Variants in NHS observed in about 807,000 individuals in gnomAD.
NHS encodes actin remodeling regulator NHS.
A neutral mutation model predicts 72.5 loss-of-function variants in NHS; 5 were observed. The observed-to-expected ratio is 0.07, with a 90% CI of 0.04 to 0.14. The LOEUF is 0.14. Ranked by LOEUF, NHS falls within the 10% of genes least tolerant of loss-of-function variation. The pLI is 1.00. For synonymous variants in NHS, 464 were observed against 547.7 expected (o/e 0.85, Z 2.13); for missense variants, 1,072 against 1,355.7 (o/e 0.79, Z 3.29).
chrX:17,689,705 T>G (rs2066184310), intron 2 of NHS, among the ~76,000 whole-genome samples: 1 of 112,159 alleles, frequency 8.9e-6, no homozygotes, highest in African/African-American at 3.2e-5. Flanking sequence ...TGAATCAAGT[T>G]TTGCAAAAAA....
chrX:17,413,542 A>G, intron 1 of NHS, among the ~76,000 whole-genome samples: 1 of 112,536 alleles, frequency 8.9e-6, no homozygotes. Flanking sequence ...TTCAGAACCT[A>G]TTCAAAATAC....
At chrX:17,522,520 C>G (rs1324927856) in intron 1 of NHS, among the ~76,000 whole-genome samples, 1 of 97,525 alleles carries the variant, frequency 1.0e-5, no homozygotes, top group Non-Finnish European at 2.1e-5. Flanking sequence ...CCATCCCCCC[C>G]ATCCGGAAGC....
intron 1 of NHS, among the ~76,000 whole-genome samples, chrX:17,418,859 G>A (rs2064609421): frequency 9.0e-6 from 1 of 111,686 alleles, no homozygotes; most frequent in South Asian, 3.8e-4. Flanking sequence ...AAAGAAGAAG[G>A]AAAAGAAAGA....
chrX:17,573,585 T>C (rs1434238065), intron 1 of NHS, among the ~76,000 whole-genome samples: 1 of 110,383 alleles, frequency 9.1e-6, no homozygotes, highest in African/African-American at 3.3e-5. Flanking sequence ...TCATCTAACC[T>C]TTTTTCAAGG....
At chrX:17,500,557 C>G (rs2065032444) in intron 1 of NHS, among the ~76,000 whole-genome samples, 1 of 111,863 alleles carries the variant, frequency 8.9e-6, no homozygotes, top group Non-Finnish European at 1.9e-5. Context: ...CCTGCGGTGT[C>G]TGATTGGAAC....
chrX:17,682,695 A>G lies in NHS; in HGVS notation c.566-5047A>G, dbSNP rs74631818. ...AGGAAGAAGGAGTAGCAGGGGAGAA[A>G]GCCAGTGTGGGGTGGGGATGTGAGG... On this transcript the variant is annotated intron_variant, in intron 1 of 8. Transcript: ENST00000676302. 3.1e-3 allele frequency among the ~76,000 whole-genome samples: 340 copies of G among 111,234 alleles called. 5 individuals carry two copies. The East Asian group carries it at 0.031, about 10-fold the overall frequency.
At chrX:17,515,199 G>A (rs1194280356) in intron 1 of NHS, among the ~76,000 whole-genome samples, 1 of 111,843 alleles carries the variant, frequency 8.9e-6, no homozygotes, top group Non-Finnish European at 1.9e-5. Context: ...CATCACCTAG[G>A]GCAGTGCCTG....
intron 1 of NHS, among the ~76,000 whole-genome samples, chrX:17,474,993 C>T (rs2064909944): frequency 1.8e-5 from 2 of 111,580 alleles, no homozygotes; most frequent in African/African-American, 3.3e-5. Flanking sequence ...TGTCTTCTTG[C>T]ATTCCTCTCC....
intron 1 of NHS, among the ~76,000 whole-genome samples, chrX:17,412,978 G>A (rs2064569143): frequency 8.9e-6 from 1 of 112,454 alleles, no homozygotes; most frequent in Non-Finnish European, 1.9e-5. Flanking sequence ...AACAGGTGGT[G>A]GGTCAATTTG....
chrX:17,509,266 G>C lies in NHS; in HGVS notation c.565+132944G>C, dbSNP rs748815268. 3.8e-3 allele frequency among the ~76,000 whole-genome samples: 420 copies of C among 109,647 alleles called. 1 individual carries two copies. The highest frequency in any genetic ancestry group is 6.4e-3 in the Non-Finnish European group (337 of 52,653). ...TTATGAGACAGAGTCTTACTCTGTT[G>C]CCCAGGCTGGAGTGCAGTGGTGTGA... On this transcript the variant is annotated intron_variant, in intron 1 of 8. Coordinates refer to ENST00000676302, the MANE Select transcript of NHS (RefSeq NM_001291867.2).
chrX:17,434,280 G>A (rs1298345526), intron 1 of NHS, among the ~76,000 whole-genome samples: 1 of 111,249 alleles, frequency 9.0e-6, no homozygotes, highest in Non-Finnish European at 1.9e-5. Flanking sequence ...GTCAATCTCT[G>A]CCAGAAAAAC....
intron 1 of NHS, among the ~76,000 whole-genome samples, chrX:17,670,780 C>G (rs2066039804): frequency 8.9e-6 from 1 of 112,073 alleles, no homozygotes; most frequent in African/African-American, 3.2e-5. Flanking sequence ...ATTCGGTTTG[C>G]AGGTTGGTGT....
In NHS at chrX:17,721,662, G is replaced by A. The variant is rs778033955; in HGVS notation, c.1108+29G>A. ...TCGTTCTGGTTTTTTCTTAGGGGCA[G>A]TCGGGTCAGAATATTCTGTGTATTA... On this transcript the variant is annotated intron_variant, in intron 5 of 8. Transcript: ENST00000676302. The A allele has an allele frequency of 7.9e-6, 9 of 1,145,939 alleles. No homozygotes were observed. In the South Asian group the frequency reaches 1.7e-4, roughly 22 times the overall value. The allele number at this position is 1,145,939 out of a possible 1,213,427, so 94.4% of individuals were successfully genotyped here.
rs1189652271 is a variant in NHS, at chrX:17,401,762, G to C, written c.565+25440G>C. Among the ~76,000 whole-genome samples, 3 of 111,707 alleles carry C rather than the reference G, an allele frequency of 2.7e-5. No homozygotes were observed. The East Asian group carries it at 8.5e-4, about 32-fold the overall frequency. On this transcript the variant is annotated intron_variant, in intron 1 of 8. Transcript: ENST00000676302. The stretch of plus-strand genomic sequence containing the variant: ...TTGCATGGTGCTGTCTTCTCAGTGT[G>C]TCTTTACATGGCCTTATTATAAGGA...
At chrX:17,569,723 T>C in intron 1 of NHS, among the ~76,000 whole-genome samples, 1 of 111,974 alleles carries the variant, frequency 8.9e-6, no homozygotes, top group Non-Finnish European at 1.9e-5. Flanking sequence ...TTTTGGTGTT[T>C]TAGACATGAA....
chrX:17,426,636 T>G (rs1159206909), intron 1 of NHS, among the ~76,000 whole-genome samples: 1 of 112,378 alleles, frequency 8.9e-6, no homozygotes, highest in Admixed American at 9.4e-5. Flanking sequence ...GAAAATGTCA[T>G]GTGTTTCAAA....
At chrX:17,655,955 A>G (rs1198879362) in intron 1 of NHS, among the ~76,000 whole-genome samples, 17 of 108,393 alleles carry the variant, frequency 1.6e-4, no homozygotes, top group African/African-American at 5.4e-4. Flanking sequence ...GACTCCTGCG[A>G]TCTCTCTTTT....
At chrX:17,555,344 G>A (rs989721017) in intron 1 of NHS, among the ~76,000 whole-genome samples, 3 of 109,467 alleles carry the variant, frequency 2.7e-5, no homozygotes, top group African/African-American at 6.7e-5. Flanking sequence ...TCTCTGTTGC[G>A]TGTGGCTGAC....
At chrX:17,603,254 A>G (rs1421025939) in intron 1 of NHS, among the ~76,000 whole-genome samples, 2 of 112,155 alleles carry the variant, frequency 1.8e-5, no homozygotes, top group Non-Finnish European at 3.8e-5. Context: ...AATTTGTTAA[A>G]CTTTTAATTT....
Sources: gnomAD v4.1 joint callset for allele counts (sites outside exome capture counted in the v4.1 genomes callset) on GRCh38, gnomAD v4.1.1 for gene constraint, MANE v1.5 for transcripts, NCBI Gene and HGNC (gene_info 2026-07-23, HGNC 2026-07-21) for gene names.